Variants in ABCA3 observed in about 807,000 individuals in gnomAD.
ABCA3 encodes phospholipid-transporting ATPase ABCA3.
Under a neutral mutation model 172.8 loss-of-function variants are expected in ABCA3, and 88 were observed. The ratio of observed to expected loss-of-function variants is 0.51; its 90% CI spans 0.43 to 0.61. The LOEUF is 0.61. Among genes scored for constraint, ABCA3 ranks in the 20% least tolerant of loss-of-function variants. The probability of loss-of-function intolerance (pLI) is 0.00; values close to 1 mark genes in which losing one functional copy is unlikely to be tolerated. For missense variants in ABCA3, 2,164 were observed against 2,301.0 expected (o/e 0.94, Z 1.22); for synonymous variants, 1,066 against 983.8 (o/e 1.08, Z -1.56).
chr16:2,298,049 C>G, intron 15 of ABCA3, 128 bp from the exon 16 acceptor site: 1 of 777,698 alleles, frequency 1.3e-6, no homozygotes, highest in Admixed American at 3.5e-5. Context: ...TGGCGGGAGG[C>G]CGACCACGGC....
intron 11 of ABCA3, among the ~76,000 whole-genome samples, chr16:2,307,478 C>T (rs1306619352): frequency 6.6e-6 from 1 of 151,892 alleles, no homozygotes; most frequent in Non-Finnish European, 1.5e-5. Context: ...TCACTTGAAC[C>T]CAGAGGCAGA....
In ABCA3 at chr16:2,278,840, C is replaced by A. The variant is rs1174183379; in HGVS notation, c.4547+103G>T. The A allele has an allele frequency of 1.3e-6, 2 of 1,522,308 alleles. No homozygotes were observed. Among genetic ancestry groups the A allele is most frequent in the Admixed American group, 3.4e-5 (2 of 59,652 alleles). 94.3% of individuals were successfully genotyped at this position (1,522,308 alleles called of 1,614,324 possible). On this transcript the variant is annotated intron_variant, in intron 29 of 32. Coordinates refer to ENST00000301732, the MANE Select transcript of ABCA3 (RefSeq NM_001089.3). The surrounding 1 kb of genome is among the most constrained non-coding windows in gnomAD (Gnocchi z 4.4). ...CCCAGCTCCATCCTGGAGCCACAAG[C>A]AGGAGCTCTGGCTGCTGACCTGAGC...
chr16:2,297,378 C>G lies in ABCA3; in HGVS notation c.2214G>C (p.Lys738Asn), dbSNP rs775805386. The stretch of plus-strand genomic sequence containing the variant: ...AGGACCCGCAGCACTGCAGCTCCCC[C>G]TTGGCCATGATGGCGATGCGGTCTC... ...LLGDRIAIMAKGELQCCGSSL... is the reference protein window; with the variant it reads ...LLGDRIAIMANGELQCCGSSL... Residue 738 changes from lysine (K) to asparagine (N), a missense_variant, in exon 17 of 33, where the codon AAG (lysine) becomes AAC (asparagine). Physicochemically the swap from Lys to Asn is moderately conservative, Grantham distance 94 (BLOSUM62 0). Transcript: ENST00000301732. This position sits in a 1 kb window ranked among gnomAD's most constrained non-coding sequence, Gnocchi z 5.6. The G allele has an allele frequency of 1.1e-5, 18 of 1,613,186 alleles. No homozygotes were observed. The highest frequency in any genetic ancestry group is 4.5e-5 in the East Asian group (2 of 44,870).
chr16:2,336,088 T>C (rs2093751265), intron 1 of ABCA3, among the ~76,000 whole-genome samples: 1 of 152,222 alleles, frequency 6.6e-6, no homozygotes, highest in African/African-American at 2.4e-5. Flanking sequence ...ATATGAGAGT[T>C]ACAGCTTTTC....
chr16:2,294,149 C>G (rs544628562), intron 18 of ABCA3, among the ~76,000 whole-genome samples: 1 of 150,912 alleles, frequency 6.6e-6, no homozygotes, highest in East Asian at 2.0e-4. Context: ...TCCTGAGTAG[C>G]TGGGATTACA....
At chr16:2,289,745 T>A in intron 19 of ABCA3, 125 bp from the exon 20 acceptor site, 1 of 996,920 alleles carries the variant, frequency 1.0e-6, no homozygotes, top group Non-Finnish European at 1.5e-6. Flanking sequence ...ATGCATCTGC[T>A]TATGTGTTTC....
chr16:2,283,280 C>T lies in ABCA3; in HGVS notation c.3941G>A (p.Gly1314Glu). ...GRFVASMAAS[G>E]CAYLILLFLI... ...GAAGAGCAGGATGAGGTAGGCGCAC[C>T]CTGAGGCGGCCATGGAGGCCACAAA... is the stretch of plus-strand genomic sequence containing the variant. Residue 1314 changes from glycine (G) to glutamate (E), a missense_variant, in exon 26 of 33, where the codon GGG becomes GAG. Transcript: ENST00000301732. The surrounding 1 kb of genome is among the most constrained non-coding windows in gnomAD (Gnocchi z 5.4). The T allele has an allele frequency of 6.2e-7, 1 of 1,613,296 alleles. No homozygotes were observed. The highest frequency in any genetic ancestry group is 8.5e-7 in the Non-Finnish European group (1 of 1,180,002).
intron 18 of ABCA3, among the ~76,000 whole-genome samples, chr16:2,293,200 C>T (rs1462287313): frequency 3.3e-5 from 5 of 151,430 alleles, no homozygotes; most frequent in South Asian, 2.1e-4. Context: ...TATAGGCGCC[C>T]GCCACCACAC....
intron 1 of ABCA3, among the ~76,000 whole-genome samples, chr16:2,337,094 T>C (rs74707193): frequency 4.0e-5 from 6 of 151,294 alleles, no homozygotes; most frequent in Admixed American, 2.6e-4. Context: ...TTTTTTTTTT[T>C]AGTAGAGACA....
intron 10 of ABCA3, among the ~76,000 whole-genome samples, chr16:2,308,927 C>A (rs1302110274): frequency 1.3e-5 from 2 of 152,166 alleles, no homozygotes; most frequent in Non-Finnish European, 2.9e-5. Flanking sequence ...GATCCCAAAC[C>A]CCTGATTCCC....
At chr16:2,280,866 G>A (rs905527711) in intron 28 of ABCA3, among the ~76,000 whole-genome samples, 161 bp downstream of exon 28, 5 of 152,172 alleles carry the variant, frequency 3.3e-5, no homozygotes, top group Non-Finnish European at 7.3e-5. Context: ...CTTAGCTTTA[G>A]CTCATTACCT....
chr16:2,277,657 T>C lies in ABCA3; in HGVS notation c.4923A>G (p.Glu1641=). The C allele has an allele frequency of 6.2e-7, 1 of 1,613,200 alleles. No homozygotes were observed. The highest frequency in any genetic ancestry group is 8.5e-7 in the Non-Finnish European group (1 of 1,180,020). The change falls in exon 32 of 33, where the codon GAA becomes GAG. Residue 1641 remains glutamate (E), a synonymous_variant. Transcript: ENST00000301732. This position sits in a 1 kb window ranked among gnomAD's most constrained non-coding sequence, Gnocchi z 5.3. ...AATGGACCATGCCTTGGTGCTCATC[T>C]TCCAGGACGCTGCCTGCACAAAGGA... is the stretch of plus-strand genomic sequence containing the variant. ...VDLTFPGSVL[E]DEHQGMVHYH...
intron 8 of ABCA3, among the ~76,000 whole-genome samples, chr16:2,318,253 C>CCAGA (rs2093719734): frequency 6.6e-6 from 1 of 152,148 alleles, no homozygotes; most frequent in Non-Finnish European, 1.5e-5. Flanking sequence ...AAGGAGGGGC[C>CCAGA]CAGAACCTCT....
chr16:2,314,895 T>TC (rs1567350104), intron 10 of ABCA3, among the ~76,000 whole-genome samples: 1 of 143,890 alleles, frequency 6.9e-6, no homozygotes, highest in African/African-American at 2.6e-5. Flanking sequence ...TTTTTTTTTT[T>TC]TGAGACAGAG....
intron 19 of ABCA3, among the ~76,000 whole-genome samples, chr16:2,290,541 G>A (rs1382083306): frequency 6.6e-6 from 1 of 152,168 alleles, no homozygotes; most frequent in East Asian, 1.9e-4. Context: ...GACGCAGCAG[G>A]ATCAACCCGG....
chr16:2,315,660 C>G (rs2093714093), intron 10 of ABCA3, among the ~76,000 whole-genome samples: 1 of 151,742 alleles, frequency 6.6e-6, no homozygotes, highest in Non-Finnish European at 1.5e-5. Context: ...GAAGTAACTG[C>G]TTATGATTTT....
At chr16:2,318,705 G>A (rs1272580028) in intron 8 of ABCA3, among the ~76,000 whole-genome samples, 1 of 151,890 alleles carries the variant, frequency 6.6e-6, no homozygotes, top group African/African-American at 2.4e-5. Flanking sequence ...TAGAGACACG[G>A]TTTCACCTTG....
At chr16:2,289,351 C>T (rs2093668171) in intron 20 of ABCA3, 83 bp downstream of exon 20, 1 of 1,499,274 alleles carries the variant, frequency 6.7e-7, no homozygotes, top group Admixed American at 2.0e-5. Flanking sequence ...CCCTCGCAGA[C>T]TCTCCTCTGC....
chr16:2,323,966 G>A (rs982060158), intron 6 of ABCA3, among the ~76,000 whole-genome samples: 3 of 152,138 alleles, frequency 2.0e-5, no homozygotes, highest in East Asian at 1.9e-4. Context: ...CTGGAGGGCC[G>A]CCAACCACAA....
Sources: allele counts gnomAD v4.1 joint callset (sites outside exome capture counted in the v4.1 genomes callset), GRCh38; gene constraint gnomAD v4.1.1; non-coding constraint Gnocchi (gnomAD v3.1); transcripts MANE v1.5; gene names NCBI Gene and HGNC (gene_info 2026-07-23, HGNC 2026-07-21).